The following MIR2052HG variants were observed in gnomAD, a reference collection of about 807,000 sequenced individuals.
The protein encoded by MIR2052HG is MIR2052 host gene.
intron 4 of MIR2052HG, among the ~76,000 whole-genome samples, chr8:74,735,188 G>A (rs973560414): frequency 6.6e-6 from 1 of 152,178 alleles, no homozygotes; most frequent in Admixed American, 6.5e-5. Flanking sequence ...TAAATGTGTA[G>A]CCAGTTCTTG....
intron 2 of MIR2052HG, among the ~76,000 whole-genome samples, chr8:74,672,850 G>A (rs1240574462): frequency 6.6e-6 from 1 of 151,982 alleles, no homozygotes; most frequent in East Asian, 1.9e-4. Context: ...ATAATTGTAG[G>A]CTAAGTGCAT....
At chr8:74,663,644 G>A (rs763098842) in intron 2 of MIR2052HG, among the ~76,000 whole-genome samples, 5 of 152,218 alleles carry the variant, frequency 3.3e-5, no homozygotes, top group Non-Finnish European at 7.3e-5. Flanking sequence ...CTCTCATGAA[G>A]TAAATAGTTT....
chr8:74,709,518 A>G (rs934626885), intron 4 of MIR2052HG, among the ~76,000 whole-genome samples: 1 of 152,088 alleles, frequency 6.6e-6, no homozygotes, highest in African/African-American at 2.4e-5. Context: ...ACTCCTTTTC[A>G]TTATCTATCT....
At chr8:74,651,923 C>G (rs1051111299) in intron 2 of MIR2052HG, among the ~76,000 whole-genome samples, 1 of 152,128 alleles carries the variant, frequency 6.6e-6, no homozygotes, top group Non-Finnish European at 1.5e-5. Flanking sequence ...GGTAGCAAGC[C>G]TATCTAGGCT....
At chr8:74,673,751 T>G (rs1296039307) in intron 2 of MIR2052HG, among the ~76,000 whole-genome samples, 1 of 151,760 alleles carries the variant, frequency 6.6e-6, no homozygotes, top group African/African-American at 2.4e-5. Context: ...AAAAACTTGA[T>G]TCACTTTAGT....
chr8:74,705,442 T>C (rs269196), intron 4 of MIR2052HG, among the ~76,000 whole-genome samples: 24,351 of 152,000 alleles, frequency 0.16, 2,641 homozygotes, highest in Middle Eastern at 0.3. Context: ...CATTCTAAGA[T>C]TGATACTTAA....
chr8:74,752,023 G>A (rs1455145486), intron 4 of MIR2052HG, among the ~76,000 whole-genome samples: 1 of 152,106 alleles, frequency 6.6e-6, no homozygotes, highest in African/African-American at 2.4e-5. Context: ...TCATACATCT[G>A]TAATCCCAGC....
At chr8:74,608,135 ATTT>A (rs1292098750) in intron 1 of MIR2052HG, among the ~76,000 whole-genome samples, 1 of 152,074 alleles carries the variant, frequency 6.6e-6, no homozygotes. Flanking sequence ...TAGCAGGCAT[ATTT>A]TAGGTTGTAA....
intron 2 of MIR2052HG, among the ~76,000 whole-genome samples, chr8:74,623,114 C>T (rs896618901): frequency 6.6e-6 from 1 of 152,080 alleles, no homozygotes; most frequent in African/African-American, 2.4e-5. Flanking sequence ...TAGTGTATAT[C>T]TGAAAATTTG....
chr8:74,631,170 C>T (rs1386467516), intron 2 of MIR2052HG, among the ~76,000 whole-genome samples: 1 of 152,156 alleles, frequency 6.6e-6, no homozygotes, highest in Non-Finnish European at 1.5e-5. Flanking sequence ...TCATTCAGGC[C>T]ACTCTAACAA....
chr8:74,603,638 T>G, intron 1 of MIR2052HG: 1 of 1,305,812 alleles, frequency 7.7e-7, no homozygotes, highest in Non-Finnish European at 1.1e-6. Flanking sequence ...GGCTGTGGAA[T>G]GGCAAACTGT....
intron 4 of MIR2052HG, among the ~76,000 whole-genome samples, chr8:74,731,192 A>G (rs1809689308): frequency 6.6e-6 from 1 of 152,208 alleles, no homozygotes; most frequent in Non-Finnish European, 1.5e-5. Flanking sequence ...GAACCAAACA[A>G]TATGACTTCC....
At chr8:74,737,132 A>T (rs1809774757) in intron 4 of MIR2052HG, among the ~76,000 whole-genome samples, 1 of 152,200 alleles carries the variant, frequency 6.6e-6, no homozygotes, top group Non-Finnish European at 1.5e-5. Context: ...GCATAGAAGT[A>T]TAACTTTGTA....
chr8:74,719,484 G>T (rs760112375), intron 4 of MIR2052HG, among the ~76,000 whole-genome samples: 1 of 151,992 alleles, frequency 6.6e-6, no homozygotes, highest in Non-Finnish European at 1.5e-5. Flanking sequence ...GTTGCTTTAG[G>T]CATTACAATT....
intron 2 of MIR2052HG, among the ~76,000 whole-genome samples, chr8:74,613,384 G>C (rs760309920): frequency 1.3e-5 from 2 of 152,174 alleles, no homozygotes; most frequent in South Asian, 4.1e-4. Context: ...GAGAGTCCAT[G>C]TGTTTTAGGC....
intron 2 of MIR2052HG, among the ~76,000 whole-genome samples, chr8:74,651,131 T>TC (rs1310804221): frequency 6.6e-6 from 1 of 151,824 alleles, no homozygotes; most frequent in Non-Finnish European, 1.5e-5. Context: ...TCTTTTTTTT[T>TC]TCTCATTTTT....
chr8:74,725,149 C>T (rs1809620807), intron 4 of MIR2052HG, among the ~76,000 whole-genome samples: 1 of 152,166 alleles, frequency 6.6e-6, no homozygotes, highest in Non-Finnish European at 1.5e-5. Context: ...AAAAGTAACA[C>T]AATAAAACAA....
At chr8:74,680,125 T>C (rs1809106665) in intron 2 of MIR2052HG, among the ~76,000 whole-genome samples, 2 of 152,194 alleles carry the variant, frequency 1.3e-5, no homozygotes, top group East Asian at 1.9e-4. Context: ...GTAAAATCTA[T>C]ATAGAAAAGT....
At chr8:74,602,876 T>TCTTTCTTTCTTTCTTTCTTTCTTTC (rs1554570015) in intron 1 of MIR2052HG, among the ~76,000 whole-genome samples, 143 of 136,988 alleles carry the variant, frequency 1.0e-3, no homozygotes, top group African/African-American at 1.5e-3. Context: ...TTTCTTTCTT[T>TCTTTCTTTCTTTCTTTCTTTCTTTC]TTTCTATTCA....
Sources: gnomAD v4.1 joint callset for allele counts (sites outside exome capture counted in the v4.1 genomes callset) on GRCh38, gnomAD v4.1.1 for gene constraint, MANE v1.5 for transcripts, NCBI Gene and HGNC (gene_info 2026-07-23, HGNC 2026-07-21) for gene names.